The following PCDHGA12 variants were observed in gnomAD, a reference collection of about 807,000 sequenced individuals.
The protein encoded by PCDHGA12 is protocadherin gamma subfamily A, 12, also known as protocadherin gamma-A12.
A neutral mutation model predicts 61.1 loss-of-function variants in PCDHGA12; 43 were observed. The observed-to-expected ratio is 0.70, with a 90% CI of 0.55 to 0.91. The LOEUF (loss-of-function observed/expected upper bound fraction) is 0.91, where lower values mean the gene tolerates loss of function less well. Ranked by LOEUF, PCDHGA12 falls within the 40% of genes least tolerant of loss-of-function variation. The pLI is 0.00. For missense variants in PCDHGA12, 1,236 were observed against 1,227.7 expected (o/e 1.01, Z -0.10); for synonymous variants, 520 against 542.9 (o/e 0.96, Z 0.59).
chr5:141,494,394 T>C (rs1437164389), intron 1 of PCDHGA12, among the ~76,000 whole-genome samples: 1 of 152,154 alleles, frequency 6.6e-6, no homozygotes, highest in African/African-American at 2.4e-5. Flanking sequence ...GTTGAATAAA[T>C]TCATTCTAGG....
chr5:141,490,045 C>T lies in PCDHGA12; in HGVS notation c.2425-4762C>T, dbSNP rs530803072. On this transcript the variant is annotated intron_variant, in intron 1 of 3. Transcript: ENST00000252085. The surrounding 1 kb of genome is among the most constrained non-coding windows in gnomAD (Gnocchi z 5.4). ...GCTGCTCCGCCTCAATGCCACTGAT[C>T]CAGACGAGGGCACCAACGGCCAACT... 1.2e-5 allele frequency: 19 copies of T among 1,614,114 alleles called. No individual in the cohort carries two copies. Among genetic ancestry groups the T allele is most frequent in the Admixed American group, 1.2e-4 (7 of 60,014 alleles).
chr5:141,482,529 G>GAAAAAAAA (rs1256461887), intron 1 of PCDHGA12, among the ~76,000 whole-genome samples: 1 of 56,042 alleles, frequency 1.8e-5, no homozygotes, highest in Admixed American at 1.9e-4. Context: ...AGACAGACAT[G>GAAAAAAAA]CAAAAAAAAA....
Position 141,485,373 on chromosome 5 carries a change from C to T in PCDHGA12, c.2425-9434C>T. 2 of 1,614,136 alleles carry T rather than the reference C, an allele frequency of 1.2e-6. No homozygotes were observed. Among genetic ancestry groups the T allele is most frequent in the East Asian group, 2.2e-5 (1 of 44,868 alleles). On this transcript the variant is annotated intron_variant, in intron 1 of 3. Transcript: ENST00000252085. This position sits in a 1 kb window ranked among gnomAD's most constrained non-coding sequence, Gnocchi z 5.7. ...CTGTCAGCTCGCAGGCTGCAGGTCG[C>T]TGGAGAGGTGAACCAAAGACACTTC... is the stretch of plus-strand genomic sequence containing the variant.
chr5:141,485,151 T>G lies in PCDHGA12; in HGVS notation c.2425-9656T>G. The G allele has an allele frequency of 2.5e-6, 4 of 1,584,876 alleles. No individual in the cohort carries two copies. Among genetic ancestry groups the G allele is most frequent in the Non-Finnish European group, 3.5e-6 (4 of 1,156,528 alleles). ...GCTTCATCCGCGTCTCAGGAGCAAG[T>G]AGAGAATTAGCGGGCGGCAGCAATG... On this transcript the variant is annotated intron_variant, in intron 1 of 3. Coordinates refer to ENST00000252085, the MANE Select transcript of PCDHGA12 (RefSeq NM_003735.3). The surrounding 1 kb of genome is among the most constrained non-coding windows in gnomAD (Gnocchi z 5.7).
Position 141,511,669 on chromosome 5 carries a change from T to C in PCDHGA12, c.*496T>C, listed in dbSNP as rs1468492336. 1 of 199,424 alleles carries C rather than the reference T, an allele frequency of 5.0e-6. No individual in the cohort carries two copies. The highest frequency in any genetic ancestry group is 2.3e-5 in the African/African-American group (1 of 43,748). The allele number at this position is 199,424 out of a possible 1,614,324, so 12.4% of individuals were successfully genotyped here. ...TCTTGGCCTCTCCTTTGATTCTCAA[T>C]CTTCCCCCAAAGCATGGTTTGGTGC... On this transcript the variant is annotated 3_prime_UTR_variant, in exon 4 of 4. Coordinates refer to ENST00000252085, the MANE Select transcript of PCDHGA12 (RefSeq NM_003735.3).
chr5:141,463,041 G>C (rs1383781857), intron 1 of PCDHGA12, among the ~76,000 whole-genome samples: 1 of 152,114 alleles, frequency 6.6e-6, no homozygotes, highest in African/African-American at 2.4e-5. Flanking sequence ...TGAGTGTTCA[G>C]CAGGGTCTCT....
intron 1 of PCDHGA12, chr5:141,478,091 A>G: frequency 6.2e-7 from 1 of 1,613,972 alleles, no homozygotes; most frequent in African/African-American, 1.3e-5. Flanking sequence ...GCTCTCCACC[A>G]CTGCTACCCT....
chr5:141,441,179 C>G (rs150511376), intron 1 of PCDHGA12: 13 of 152,210 alleles, frequency 8.5e-5, no homozygotes, highest in South Asian at 2.1e-4. Context: ...ACTTCTAATT[C>G]CACAATGATT....
chr5:141,436,700 C>T (rs2097841356), intron 1 of PCDHGA12, among the ~76,000 whole-genome samples: 1 of 152,166 alleles, frequency 6.6e-6, no homozygotes, highest in Non-Finnish European at 1.5e-5. Flanking sequence ...AATGCCAGCA[C>T]ACTCGATGTT....
intron 2 of PCDHGA12, among the ~76,000 whole-genome samples, chr5:141,504,788 TC>T (rs1235410120): frequency 6.6e-6 from 1 of 152,070 alleles, no homozygotes; most frequent in Non-Finnish European, 1.5e-5. Context: ...TCTTGGGGCC[TC>T]CTACATCTCC....
At position 141,505,383 on chromosome 5, in the gene PCDHGA12, C is replaced by G. The variant is rs369765886; in HGVS notation, c.2484-10C>G. On this transcript the variant is annotated splice_polypyrimidine_tract_variant and intron_variant, in intron 2 of 3. Transcript: ENST00000252085. ...GGGAGTCTGTGCTCACCATCCTACT[C>G]TCTCCCCAGCTCCCAAAATGGCGAT... The G allele has an allele frequency of 6.2e-7, 1 of 1,613,944 alleles. No homozygotes were observed. The highest frequency in any genetic ancestry group is 1.3e-5 in the African/African-American group (1 of 74,914).
intron 1 of PCDHGA12, among the ~76,000 whole-genome samples, chr5:141,444,242 G>A (rs964582042): frequency 7.5e-6 from 1 of 133,896 alleles, no homozygotes; most frequent in Non-Finnish European, 1.5e-5. Flanking sequence ...CATGCTCTCG[G>A]CTCACTGCAA....
At chr5:141,436,473 C>CA (rs2097825744) in intron 1 of PCDHGA12, among the ~76,000 whole-genome samples, 1 of 152,112 alleles carries the variant, frequency 6.6e-6, no homozygotes, top group Non-Finnish European at 1.5e-5. Context: ...TCAGATGTAT[C>CA]ATAGAAGGAT....
In PCDHGA12 at chr5:141,476,653, C is replaced by T; in HGVS notation, c.2425-18154C>T. ...CCTATGAGCTGAGCCGAAATGAATA[C>T]TTTGCGCTTCGCGTGCAGACGCGGG... is the stretch of plus-strand genomic sequence containing the variant. On this transcript the variant is annotated intron_variant, in intron 1 of 3. Transcript: ENST00000252085. The surrounding 1 kb of genome is among the most constrained non-coding windows in gnomAD (Gnocchi z 7.6). 6.2e-7 allele frequency: 1 copy of T among 1,614,270 alleles called. No individual in the cohort carries two copies. The highest frequency in any genetic ancestry group is 8.5e-7 in the Non-Finnish European group (1 of 1,180,058).
chr5:141,450,280 T>C (rs1374970772), intron 1 of PCDHGA12, among the ~76,000 whole-genome samples: 2 of 152,166 alleles, frequency 1.3e-5, no homozygotes, highest in African/African-American at 4.8e-5. Context: ...AGCTAAGTGC[T>C]GGGATTACAG....
chr5:141,471,879 G>A (rs1027572395), intron 1 of PCDHGA12, among the ~76,000 whole-genome samples: 7 of 152,218 alleles, frequency 4.6e-5, no homozygotes, highest in African/African-American at 1.7e-4. Context: ...GCCTGAGGCT[G>A]AAGCTAGGAA....
At chr5:141,468,960 T>TC (rs1562019766) in intron 1 of PCDHGA12, among the ~76,000 whole-genome samples, 1 of 151,348 alleles carries the variant, frequency 6.6e-6, no homozygotes, top group African/African-American at 2.4e-5. Flanking sequence ...TGGTTTTTTT[T>TC]ACCTTAGGCT....
chr5:141,507,202 C>G (rs2099859138), intron 3 of PCDHGA12: 1 of 152,356 alleles, frequency 6.6e-6, no homozygotes, highest in Non-Finnish European at 1.5e-5. Flanking sequence ...TCTTCCAGAT[C>G]AGGGTTGCCA....
chr5:141,478,392 A>G, intron 1 of PCDHGA12: 1 of 1,613,560 alleles, frequency 6.2e-7, no homozygotes, highest in Non-Finnish European at 8.5e-7. Context: ...CTTTACCATC[A>G]GGTGTATCTC....
Sources: allele counts gnomAD v4.1 joint callset (sites outside exome capture counted in the v4.1 genomes callset), GRCh38; gene constraint gnomAD v4.1.1; non-coding constraint Gnocchi (gnomAD v3.1); transcripts MANE v1.5; gene names NCBI Gene and HGNC (gene_info 2026-07-23, HGNC 2026-07-21).